The following COL28A1 variants were observed in gnomAD, a reference collection of about 807,000 sequenced individuals.
The protein encoded by COL28A1 is collagen alpha-1(XXVIII) chain.
In COL28A1, 161 loss-of-function variants were observed where a neutral mutation model predicts 150.2. The ratio of observed to expected loss-of-function variants is 1.07; its 90% CI spans 0.94 to 1.22. The LOEUF (loss-of-function observed/expected upper bound fraction) is 1.22, where lower values mean the gene tolerates loss of function less well. COL28A1 is among the 50% of genes most tolerant of loss of function. COL28A1 has a pLI of 0.00. For synonymous variants in COL28A1, 552 were observed against 469.7 expected (o/e 1.18, Z -2.26); for missense variants, 1,617 against 1,388.3 (o/e 1.16, Z -2.62).
chr7:7,455,331 C>T (rs1787058860), intron 16 of COL28A1, among the ~76,000 whole-genome samples: 5 of 152,274 alleles, frequency 3.3e-5, no homozygotes, highest in Middle Eastern at 3.4e-3. Flanking sequence ...AAACAAAAGA[C>T]TACATGGTAA....
intron 15 of COL28A1, among the ~76,000 whole-genome samples, chr7:7,458,447 CA>C (rs368844949): frequency 4.0e-5 from 6 of 150,478 alleles, no homozygotes; most frequent in Admixed American, 2.6e-4. Flanking sequence ...AACAAACAAA[CA>C]AAAAAAACAA....
At chr7:7,398,374 C>G (rs1444111423) in intron 27 of COL28A1, among the ~76,000 whole-genome samples, 4 of 152,162 alleles carry the variant, frequency 2.6e-5, no homozygotes, top group African/African-American at 9.7e-5. Flanking sequence ...TAACGACTAG[C>G]AAATGATAAA....
intron 17 of COL28A1, 81 bp from the exon 18 acceptor site, chr7:7,452,468 T>A (rs1562699333): frequency 6.7e-7 from 1 of 1,502,694 alleles, no homozygotes; most frequent in Non-Finnish European, 8.8e-7. Context: ...CTGTCTTATA[T>A]CAACAAAGTA....
intron 27 of COL28A1, among the ~76,000 whole-genome samples, chr7:7,406,863 CTT>C (rs1039886495): frequency 6.6e-6 from 1 of 151,114 alleles, no homozygotes; most frequent in Non-Finnish European, 1.5e-5. Context: ...GGTTTTCTTT[CTT>C]TTTTTTTAAT....
the COL28A1 span, among the ~76,000 whole-genome samples, chr7:7,341,058 C>G: frequency 1.3e-5 from 2 of 152,162 alleles, no homozygotes; most frequent in African/African-American, 2.4e-5. Context: ...GTCATCACCT[C>G]TGTGTGCTGT....
At chr7:7,431,504 C>G (rs1213114471) in intron 25 of COL28A1, 1 of 470,724 alleles carries the variant, frequency 2.1e-6, no homozygotes, top group Non-Finnish European at 4.4e-6. Flanking sequence ...TTTTAATAAT[C>G]AGCCATCCTG....
At chr7:7,413,627 C>T (rs1783908204) in intron 27 of COL28A1, among the ~76,000 whole-genome samples, 1 of 152,204 alleles carries the variant, frequency 6.6e-6, no homozygotes, top group African/African-American at 2.4e-5. Context: ...GTAAAGAGGC[C>T]CAGCCAACAG....
At position 7,507,107 on chromosome 7, in the gene COL28A1, AC is replaced by A; in HGVS notation, c.972+9del. 3 of 1,160,334 alleles carry A rather than the reference AC, an allele frequency of 2.6e-6. No individual in the cohort carries two copies. The highest frequency in any genetic ancestry group is 3.9e-6 in the Non-Finnish European group (3 of 767,354). The allele number at this position is 1,160,334 out of a possible 1,614,324, so 71.9% of individuals were successfully genotyped here. On this transcript the variant is annotated intron_variant, in intron 10 of 34. Coordinates refer to ENST00000399429, the MANE Select transcript of COL28A1 (RefSeq NM_001037763.3). ...TAATTCAAACTTAGATTTGGTTTTA[AC>A]CCCCTTACCTGAATTCCTCTGGGTC...
rs531701528 is a variant in COL28A1, at chr7:7,387,163, C to T, written c.2137-5551G>A. 1.7e-4 allele frequency among the ~76,000 whole-genome samples: 26 copies of T among 152,176 alleles called. 1 individual carries two copies. In the East Asian group the frequency reaches 3.9e-3, roughly 23 times the overall value. On this transcript the variant is annotated intron_variant, in intron 27 of 34. Coordinates refer to ENST00000399429, the MANE Select transcript of COL28A1 (RefSeq NM_001037763.3). ...TGAATTTTCAGACCACATTCTGTTT[C>T]CTTTTGAAGGAAACAGAATAAACCT...
In COL28A1 at chr7:7,520,110, T is replaced by A. The variant is rs1781636898; in HGVS notation, c.765A>T (p.Thr255=). 4 of 1,341,530 alleles carry A rather than the reference T, an allele frequency of 3.0e-6. No homozygotes were observed. The highest frequency in any genetic ancestry group is 4.3e-6 in the Non-Finnish European group (4 of 932,968). The allele number at this position is 1,341,530 out of a possible 1,614,324, so 83.1% of individuals were successfully genotyped here. Residue 255 remains threonine, a synonymous_variant, in exon 6 of 35, where the codon ACA becomes ACT. Transcript: ENST00000399429. ...GDPGDPGPPG[T]HGNPGIKGER... is the part of the protein sequence containing the mutation. ...CACCTTTGATACCTGGATTTCCATG[T>A]GTACCCTGAAGGCAAAGGGAAAAAA... is the stretch of plus-strand genomic sequence containing the variant.
chr7:7,453,016 C>A (rs1786835222), intron 17 of COL28A1, among the ~76,000 whole-genome samples: 1 of 152,102 alleles, frequency 6.6e-6, no homozygotes, highest in African/African-American at 2.4e-5. Flanking sequence ...AGTTTGATTC[C>A]CAAGTAAATA....
chr7:7,460,388 T>G (rs559106385), intron 15 of COL28A1, among the ~76,000 whole-genome samples: 10 of 145,176 alleles, frequency 6.9e-5, no homozygotes, highest in African/African-American at 2.0e-4. Flanking sequence ...TTTTTTGTTG[T>G]TTTTTTTTTT....
At chr7:7,375,416 G>T in intron 31 of COL28A1, 45 bp downstream of exon 31, 1 of 1,538,004 alleles carries the variant, frequency 6.5e-7, no homozygotes, top group South Asian at 1.2e-5. Flanking sequence ...GTACATAGTG[G>T]GGCTGATGCT....
chr7:7,513,534 A>T (rs1442299171), intron 8 of COL28A1, among the ~76,000 whole-genome samples: 1 of 152,236 alleles, frequency 6.6e-6, no homozygotes, highest in African/African-American at 2.4e-5. Context: ...TCGTGAGTCA[A>T]ACTGACCCAG....
intron 5 of COL28A1, among the ~76,000 whole-genome samples, chr7:7,520,669 A>T (rs562086385): frequency 3.3e-5 from 5 of 152,320 alleles, no homozygotes; most frequent in Non-Finnish European, 7.3e-5. Flanking sequence ...TTTTCTGAGA[A>T]ATGGTGTTGG....
chr7:7,501,408 G>A (rs1296726824), intron 11 of COL28A1, among the ~76,000 whole-genome samples: 1 of 152,088 alleles, frequency 6.6e-6, no homozygotes, highest in Non-Finnish European at 1.5e-5. Context: ...GGGGTACTTC[G>A]AAATGTCACC....
At chr7:7,482,899 G>T (rs1779420700) in intron 13 of COL28A1, among the ~76,000 whole-genome samples, 1 of 152,200 alleles carries the variant, frequency 6.6e-6, no homozygotes, top group African/African-American at 2.4e-5. Flanking sequence ...TGGTGCTACA[G>T]CTGTCCTGAA....
At chr7:7,425,014 ACATT>A (rs1253300181) in intron 25 of COL28A1, among the ~76,000 whole-genome samples, 1 of 152,172 alleles carries the variant, frequency 6.6e-6, no homozygotes, top group Non-Finnish European at 1.5e-5. Context: ...GAGAGCAAAC[ACATT>A]CATTCATTTT....
intron 31 of COL28A1, among the ~76,000 whole-genome samples, chr7:7,374,024 T>TAAAAAAAAAAAA (rs1188442971): frequency 2.9e-4 from 34 of 116,316 alleles, no homozygotes; most frequent in African/African-American, 1.4e-3. Flanking sequence ...ACTTGACTCT[T>TAAAAAAAAAAAA]AAAAAAAAAA....
Sources: gnomAD v4.1 joint callset for allele counts (sites outside exome capture counted in the v4.1 genomes callset) on GRCh38, gnomAD v4.1.1 for gene constraint, MANE v1.5 for transcripts, NCBI Gene and HGNC (gene_info 2026-07-23, HGNC 2026-07-21) for gene names.